Variants in MGA observed in about 807,000 individuals in gnomAD.
The protein encoded by MGA is MAX dimerization protein MGA.
In MGA, 40 loss-of-function variants were observed where a neutral mutation model predicts 261.1. That is an observed-to-expected ratio of 0.15 (90% CI 0.12 to 0.20). The LOEUF (loss-of-function observed/expected upper bound fraction) is 0.20. Ranked by LOEUF, MGA falls within the 10% of genes least tolerant of loss-of-function variation. The probability of loss-of-function intolerance (pLI) is 1.00; values close to 1 mark genes in which losing one functional copy is unlikely to be tolerated. For synonymous variants in MGA, 1,302 were observed against 1,290.6 expected, an observed-to-expected ratio of 1.01 and a Z score of -0.19; for missense variants, 3,397 against 3,630.5, an observed-to-expected ratio of 0.94 and a Z score of 1.65.
chr15:41,767,064 A>G lies in MGA; in HGVS notation c.8982A>G (p.Leu2994=). The G allele has an allele frequency of 1.2e-6, 2 of 1,614,032 alleles. No individual in the cohort carries two copies. The highest frequency in any genetic ancestry group is 8.5e-7 in the Non-Finnish European group (1 of 1,179,906). ...TGCCAAAGTTGGCCCCTCTAGGTTT[A>G]AAAGTAGCTAATCCTTCCAGTGATG... Residue 2994 remains leucine, a synonymous_variant, in exon 24 of 24, where the codon TTA becomes TTG. Coordinates refer to ENST00000219905, the MANE Select transcript of MGA (RefSeq NM_001164273.2).
At chr15:41,663,540 G>A (rs1212716700) in intron 1 of MGA, among the ~76,000 whole-genome samples, 4 of 151,784 alleles carry the variant, frequency 2.6e-5, no homozygotes, top group Non-Finnish European at 5.9e-5. Flanking sequence ...TATCTCCAAG[G>A]CTAGAATGCA....
At chr15:41,725,976 A>G (rs1444231026) in intron 9 of MGA, among the ~76,000 whole-genome samples, 1 of 152,116 alleles carries the variant, frequency 6.6e-6, no homozygotes, top group East Asian at 1.9e-4. Context: ...GGGATTATTT[A>G]TTAACAAGTA....
chr15:41,625,514 G>A (rs1369097600), intron 1 of MGA, among the ~76,000 whole-genome samples: 3 of 151,134 alleles, frequency 2.0e-5, no homozygotes, highest in Admixed American at 1.3e-4. Context: ...GAGTGTTTGA[G>A]ACCAGCCTGG....
At chr15:41,730,711 T>C (rs1192147669) in intron 11 of MGA, among the ~76,000 whole-genome samples, 1 of 152,200 alleles carries the variant, frequency 6.6e-6, no homozygotes, top group Non-Finnish European at 1.5e-5. Context: ...TGTCTTCCCA[T>C]TCTAAAACAC....
intron 2 of MGA, among the ~76,000 whole-genome samples, chr15:41,681,750 AAAT>A (rs1207379118): frequency 6.6e-6 from 1 of 152,062 alleles, no homozygotes; most frequent in African/African-American, 2.4e-5. Context: ...ATGCTTGGCC[AAAT>A]AATCCATTTT....
At chr15:41,645,158 T>C (rs2056911173) in intron 1 of MGA, among the ~76,000 whole-genome samples, 1 of 152,248 alleles carries the variant, frequency 6.6e-6, no homozygotes, top group Non-Finnish European at 1.5e-5. Context: ...TCATCTGTTA[T>C]TATTTATCTG....
chr15:41,630,465 A>G (rs1405018301), intron 1 of MGA, among the ~76,000 whole-genome samples: 2 of 152,320 alleles, frequency 1.3e-5, no homozygotes, highest in South Asian at 2.1e-4. Flanking sequence ...TGCTTTGGCC[A>G]AAGAGTAAGT....
At position 41,667,674 on chromosome 15, in the gene MGA, C is replaced by T. The variant is rs572130104; in HGVS notation, c.-67-1154C>T. On this transcript the variant is annotated intron_variant, in intron 1 of 23. Transcript: ENST00000219905. ...GGATTATAGGTGTGAGTCACCATGTCCAGCCCCCTTTTTATATTAGGGAAA... is the reference window on the plus strand; with the variant it reads ...GGATTATAGGTGTGAGTCACCATGTTCAGCCCCCTTTTTATATTAGGGAAA... Among the ~76,000 whole-genome samples, 3 of 152,286 alleles carry T rather than the reference C, an allele frequency of 2.0e-5. No homozygotes were observed. In the South Asian group the frequency reaches 6.2e-4, roughly 32 times the overall value.
At chr15:41,626,761 A>T (rs535394900) in intron 1 of MGA, among the ~76,000 whole-genome samples, 1 of 152,236 alleles carries the variant, frequency 6.6e-6, no homozygotes, top group African/African-American at 2.4e-5. Context: ...ATTTATAGAA[A>T]AATTGCAGAC....
chr15:41,627,470 A>G (rs755956504), intron 1 of MGA, among the ~76,000 whole-genome samples: 1 of 152,118 alleles, frequency 6.6e-6, no homozygotes, highest in Non-Finnish European at 1.5e-5. Context: ...TGCTTTTTTC[A>G]TCATTAGACT....
intron 1 of MGA, among the ~76,000 whole-genome samples, chr15:41,623,002 T>G (rs2056346201): frequency 6.6e-6 from 1 of 152,254 alleles, no homozygotes; most frequent in Non-Finnish European, 1.5e-5. Flanking sequence ...TCTTTCTGGC[T>G]TGGTGTTCTA....
At position 41,757,817 on chromosome 15, in the gene MGA, A is replaced by T. The variant is rs772336791; in HGVS notation, c.7169A>T (p.Lys2390Ile). 6 of 1,610,078 alleles carry T rather than the reference A, an allele frequency of 3.7e-6. No individual in the cohort carries two copies. The highest frequency in any genetic ancestry group is 1.1e-5 in the South Asian group (1 of 90,790). Reference sequence around the variant, plus strand: ...TGTACTCACATCTCTGCAGATGAAAAAGCAGCTGAAAGGAGTCGAAAGGTA... The same window carrying T: ...TGTACTCACATCTCTGCAGATGAAATAGCAGCTGAAAGGAGTCGAAAGGTA... The change falls in exon 19 of 24, where the codon AAA (lysine) becomes ATA (isoleucine). Residue 2390 changes from lysine to isoleucine, a missense_variant. Lys to Ile is a moderately radical substitution (Grantham distance 102). This residue lies in a region of MGA where 1,410 missense variants were observed against 1,386.4 expected (regional missense o/e 1.02). Transcript: ENST00000219905.
chr15:41,713,585 G>C, intron 9 of MGA, 89 bp downstream of exon 9: 2 of 1,379,906 alleles, frequency 1.4e-6, no homozygotes, highest in East Asian at 2.5e-5. Context: ...CCTTAATCCC[G>C]ATCAATTATC....
intron 15 of MGA, among the ~76,000 whole-genome samples, chr15:41,748,185 A>T (rs560828688): frequency 6.6e-6 from 1 of 152,150 alleles, no homozygotes; most frequent in Non-Finnish European, 1.5e-5. Context: ...TGAACCAAGG[A>T]GTTTGAGACT....
Position 41,743,018 on chromosome 15 carries a change from A to G in MGA, c.5058A>G (p.Ile1686Met). 6.2e-7 allele frequency: 1 copy of G among 1,613,840 alleles called. No individual in the cohort carries two copies. The highest frequency in any genetic ancestry group is 8.5e-7 in the Non-Finnish European group (1 of 1,179,858). The change falls in exon 15 of 24, where the codon ATA becomes ATG. Residue 1686 changes from isoleucine (I) to methionine (M), a missense_variant. Transcript: ENST00000219905. Reference sequence around the variant, plus strand: ...CTTTGGTAGCATCTCCTTCAACCATAACTCTTCCTGTTGCTTCCACTGCTT... The same window carrying G: ...CTTTGGTAGCATCTCCTTCAACCATGACTCTTCCTGTTGCTTCCACTGCTT...
intron 11 of MGA, 105 bp from the exon 12 acceptor site, chr15:41,734,417 C>CTAATGATTTAAACTTCTGTGAGAGA: frequency 1.1e-6 from 1 of 869,718 alleles, no homozygotes; most frequent in Non-Finnish European, 1.8e-6. Flanking sequence ...TTCAGTCATT[C>CTAATGATTTAAACTTCTGTGAGAGA]TAATGATTTA....
chr15:41,716,982 G>A (rs2060674819), intron 9 of MGA, among the ~76,000 whole-genome samples: 1 of 151,992 alleles, frequency 6.6e-6, no homozygotes, highest in Non-Finnish European at 1.5e-5. Context: ...GTTATGCATA[G>A]CTCTCTATGA....
intron 2 of MGA, among the ~76,000 whole-genome samples, chr15:41,674,250 A>G (rs911821205): frequency 6.6e-6 from 1 of 151,728 alleles, no homozygotes; most frequent in African/African-American, 2.4e-5. Context: ...CAGCTGGAAT[A>G]TAGTGGCGCG....
At chr15:41,684,063 G>A (rs779841954) in intron 2 of MGA, among the ~76,000 whole-genome samples, 10 of 152,086 alleles carry the variant, frequency 6.6e-5, no homozygotes, top group African/African-American at 1.7e-4. Context: ...TTGCCTATAT[G>A]TATGTTTATT....
Sources: allele counts gnomAD v4.1 joint callset (sites outside exome capture counted in the v4.1 genomes callset), GRCh38; gene constraint gnomAD v4.1.1; regional missense constraint gnomAD v4.1.1; transcripts MANE v1.5; gene names NCBI Gene and HGNC (gene_info 2026-07-23, HGNC 2026-07-21).